Variants in TWSG1 observed in about 807,000 individuals in gnomAD.
TWSG1 encodes the protein twisted gastrulation protein homolog 1.
A neutral mutation model predicts 23.0 loss-of-function variants in TWSG1; 15 were observed. That is an observed-to-expected ratio of 0.65 (90% CI 0.44 to 1.00). The LOEUF (loss-of-function observed/expected upper bound fraction) is 1.00, where lower values mean the gene tolerates loss of function less well. Ranked by LOEUF, TWSG1 falls within the 50% of genes least tolerant of loss-of-function variation. The pLI is 0.00. For synonymous variants in TWSG1, 86 were observed against 92.8 expected (o/e 0.93, Z 0.42); for missense variants, 242 against 278.7 (o/e 0.87, Z 0.94).
chr18:9,382,957 C>T (rs2145626110), intron 3 of TWSG1, among the ~76,000 whole-genome samples: 1 of 152,166 alleles, frequency 6.6e-6, no homozygotes, highest in East Asian at 1.9e-4. Flanking sequence ...AGGTGAACCA[C>T]TTAATATCAA....
chr18:9,350,001 A>G (rs1291491670), intron 2 of TWSG1, among the ~76,000 whole-genome samples: 1 of 152,094 alleles, frequency 6.6e-6, no homozygotes, highest in African/African-American at 2.4e-5. Flanking sequence ...TTAGCCGAGC[A>G]TGGTGGCGTG....
chr18:9,361,599 C>T (rs188792956), intron 3 of TWSG1, among the ~76,000 whole-genome samples: 1 of 152,210 alleles, frequency 6.6e-6, no homozygotes. Context: ...AGAAAGATCT[C>T]CTGGTTTCCT....
intron 2 of TWSG1, among the ~76,000 whole-genome samples, chr18:9,342,972 C>CT (rs2040452653): frequency 6.6e-6 from 1 of 152,076 alleles, no homozygotes; most frequent in Non-Finnish European, 1.5e-5. Context: ...TCTCTATTAT[C>CT]TAATAGCATT....
chr18:9,359,557 T>C (rs2040542635), intron 2 of TWSG1, among the ~76,000 whole-genome samples: 1 of 152,160 alleles, frequency 6.6e-6, no homozygotes, highest in South Asian at 2.1e-4. Flanking sequence ...ACAATAAAAA[T>C]AGAATTTCCA....
intron 2 of TWSG1, among the ~76,000 whole-genome samples, chr18:9,349,606 A>G (rs914497401): frequency 1.8e-4 from 27 of 152,232 alleles, no homozygotes; most frequent in African/African-American, 6.3e-4. Context: ...TTAAAAATAA[A>G]TAGTTCAGGT....
Position 9,399,469 on chromosome 18 carries a change from G to T in TWSG1, c.614G>T (p.Gly205Val). ...WFHNACCECI[G>V]PECIDYGSKT... ...CATAATGCCTGCTGCGAGTGCATTG[G>T]TCCAGAATGTATTGACTATGGTAGT... The change falls in exon 5 of 5, where the codon GGT becomes GTT. Residue 205 changes from glycine (G) to valine (V), a missense_variant. Physicochemically the swap from Gly to Val is moderately radical, Grantham distance 109. Coordinates refer to ENST00000262120, the MANE Select transcript of TWSG1 (RefSeq NM_020648.6). 5.0e-6 allele frequency: 8 copies of T among 1,613,972 alleles called. No individual in the cohort carries two copies. Among genetic ancestry groups the T allele is most frequent in the Non-Finnish European group, 6.8e-6 (8 of 1,179,984 alleles).
At chr18:9,345,619 A>C (rs1296333923) in intron 2 of TWSG1, among the ~76,000 whole-genome samples, 1 of 152,146 alleles carries the variant, frequency 6.6e-6, no homozygotes, top group Non-Finnish European at 1.5e-5. Flanking sequence ...TTATATCTCT[A>C]TTTTTATGCT....
At chr18:9,384,785 A>G (rs2040674767) in intron 3 of TWSG1, among the ~76,000 whole-genome samples, 1 of 151,842 alleles carries the variant, frequency 6.6e-6, no homozygotes. Flanking sequence ...AGCTGGGACT[A>G]CAGGCACATG....
chr18:9,392,490 T>G (rs2040717261), intron 3 of TWSG1, among the ~76,000 whole-genome samples: 1 of 152,238 alleles, frequency 6.6e-6, no homozygotes, highest in African/African-American at 2.4e-5. Context: ...AGGGAATATT[T>G]TGGCTGGTTT....
intron 3 of TWSG1, among the ~76,000 whole-genome samples, chr18:9,362,127 T>G (rs2145609237): frequency 6.6e-6 from 1 of 152,376 alleles, no homozygotes; most frequent in Non-Finnish European, 1.5e-5. Context: ...TGAATTATTT[T>G]AGGTCATTAA....
chr18:9,342,616 A>T (rs1231752949), intron 2 of TWSG1, among the ~76,000 whole-genome samples: 2 of 152,114 alleles, frequency 1.3e-5, no homozygotes, highest in African/African-American at 4.8e-5. Context: ...TTAAGTACTT[A>T]ATGTATTTTT....
chr18:9,374,140 A>G (rs2040618340), intron 3 of TWSG1, among the ~76,000 whole-genome samples: 1 of 152,192 alleles, frequency 6.6e-6, no homozygotes, highest in Admixed American at 6.5e-5. Flanking sequence ...AAACTAGAAA[A>G]AGAAGAGCAA....
At chr18:9,347,231 A>C (rs1458756662) in intron 2 of TWSG1, among the ~76,000 whole-genome samples, 1 of 152,146 alleles carries the variant, frequency 6.6e-6, no homozygotes, top group African/African-American at 2.4e-5. Context: ...GTCCTTTATC[A>C]GAAAAGTCTT....
Position 9,401,298 on chromosome 18 carries a change from T to C in TWSG1, c.*1771T>C, listed in dbSNP as rs754956234. ...TAGAGCTGAAAGTATTCTGGAACTT[T>C]AGACAGAAAGCTGAAAGGAATCTGC... On this transcript the variant is annotated 3_prime_UTR_variant, in exon 5 of 5. Coordinates refer to ENST00000262120, the MANE Select transcript of TWSG1 (RefSeq NM_020648.6). The C allele has an allele frequency of 6.6e-6, 1 of 152,096 alleles. No homozygotes were observed. The highest frequency in any genetic ancestry group is 1.5e-5 in the Non-Finnish European group (1 of 68,036). 9.4% of individuals were successfully genotyped at this position (152,096 alleles called of 1,614,324 possible). A position where few individuals can be genotyped will look rare whatever the true frequency, so the allele number is the denominator to read the frequency against.
At chr18:9,378,682 G>A (rs1026700898) in intron 3 of TWSG1, among the ~76,000 whole-genome samples, 11 of 152,148 alleles carry the variant, frequency 7.2e-5, no homozygotes, top group Admixed American at 2.0e-4. Flanking sequence ...CACTTAAATG[G>A]TCATACTAGC....
intron 2 of TWSG1, among the ~76,000 whole-genome samples, chr18:9,351,622 G>GTTTTTTTT (rs71168051): frequency 4.3e-5 from 5 of 116,604 alleles, no homozygotes; most frequent in Admixed American, 2.7e-4. Context: ...ACCATGCTGG[G>GTTTTTTTT]TTTTTTTTTT....
chr18:9,345,284 T>C (rs1432945457), intron 2 of TWSG1, among the ~76,000 whole-genome samples: 2 of 152,232 alleles, frequency 1.3e-5, no homozygotes, highest in East Asian at 3.8e-4. Flanking sequence ...CTTGTGCTTT[T>C]GGTGTTGTAT....
chr18:9,367,418 A>T lies in TWSG1; in HGVS notation c.223+7347A>T, dbSNP rs188038510. Among the ~76,000 whole-genome samples the T allele has an allele frequency of 1.4e-3, 213 of 152,210 alleles. 1 individual carries two copies. The highest frequency in any genetic ancestry group is 5.0e-3 in the African/African-American group (207 of 41,518). The stretch of plus-strand genomic sequence containing the variant: ...TGAGTTCAACTTTTTTAGATTCCAC[A>T]TATAAGTGAAATCATGCGGTATTTG... On this transcript the variant is annotated intron_variant, in intron 3 of 4. Transcript: ENST00000262120.
intron 3 of TWSG1, among the ~76,000 whole-genome samples, chr18:9,372,545 TATAATA>T (rs1205413188): frequency 2.4e-4 from 35 of 148,002 alleles, no homozygotes; most frequent in African/African-American, 7.8e-4. Context: ...ATATATTATA[TATAATA>T]TATACATTAT....
Sources: gnomAD v4.1 joint callset for allele counts (sites outside exome capture counted in the v4.1 genomes callset) on GRCh38, gnomAD v4.1.1 for gene constraint, MANE v1.5 for transcripts, NCBI Gene and HGNC (gene_info 2026-07-23, HGNC 2026-07-21) for gene names.